USP34: variants seen among roughly 807,000 people sequenced by gnomAD.
USP34 encodes ubiquitin specific peptidase 34, also known as ubiquitin carboxyl-terminal hydrolase 34.
Under a neutral mutation model 460.3 loss-of-function variants are expected in USP34, and 70 were observed. That is an observed-to-expected ratio of 0.15 (90% CI 0.13 to 0.19). USP34 has a LOEUF of 0.19. USP34 is among the 10% of genes least tolerant of loss of function. The pLI is 1.00. For missense variants in USP34, 3,985 were observed against 4,236.2 expected (o/e 0.94, Z 1.65); for synonymous variants, 1,647 against 1,405.3 (o/e 1.17, Z -3.85).
In USP34 at chr2:61,314,754, A is replaced by C. The variant is rs1475587206; in HGVS notation, c.3383-10T>G. The C allele has an allele frequency of 1.3e-6, 2 of 1,574,898 alleles. No homozygotes were observed. The highest frequency in any genetic ancestry group is 1.7e-4 in the Middle Eastern group (1 of 5,862). On this transcript the variant is annotated splice_polypyrimidine_tract_variant and intron_variant, in intron 24 of 79. Transcript: ENST00000398571. ...TCCAAACCTGTTTTACCTGAAAGCC[A>C]AATGTTTAGACACATATATTAGCCT...
intron 43 of USP34, among the ~76,000 whole-genome samples, chr2:61,262,349 C>A (rs1688914908): frequency 5.9e-5 from 9 of 151,934 alleles, no homozygotes. Context: ...CACACTCCAC[C>A]CTCAGGTAGG....
In USP34 at chr2:61,348,500, G is replaced by A. The variant is rs776890944; in HGVS notation, c.1675-20C>T. 129 of 1,593,258 alleles carry A rather than the reference G, an allele frequency of 8.1e-5. No individual in the cohort carries two copies. The highest frequency in any genetic ancestry group is 2.3e-4 in the South Asian group (20 of 88,596). On this transcript the variant is annotated intron_variant, in intron 14 of 79. Transcript: ENST00000398571. ...GGATTCCTGTATTTTGAAACAAATA[G>A]ATTTAAATAAATATTTAAACCAGTA...
At chr2:61,293,369 G>C (rs1487880298) in intron 33 of USP34, 95 bp downstream of exon 33, 1 of 852,960 alleles carries the variant, frequency 1.2e-6, no homozygotes, top group Non-Finnish European at 1.8e-6. Context: ...TTATTATAAG[G>C]AACTATATGG....
At chr2:61,348,523 G>C in intron 14 of USP34, 43 bp from the exon 15 acceptor site, 1 of 1,564,994 alleles carries the variant, frequency 6.4e-7, no homozygotes, top group Non-Finnish European at 8.6e-7. Flanking sequence ...ATTTAAACCA[G>C]TAAGAAAAAA....
intron 41 of USP34, among the ~76,000 whole-genome samples, chr2:61,267,767 C>G (rs957759517): frequency 6.6e-6 from 1 of 152,136 alleles, no homozygotes; most frequent in Admixed American, 6.5e-5. Flanking sequence ...GCGCCCACCA[C>G]AACACCCGGT....
intron 5 of USP34, among the ~76,000 whole-genome samples, chr2:61,390,290 C>G (rs1693302697): frequency 6.6e-6 from 1 of 152,132 alleles, no homozygotes; most frequent in Admixed American, 6.5e-5. Flanking sequence ...TGGCAAAGAG[C>G]TGAGGGCTGA....
chr2:61,419,343 A>G (rs1232913615), intron 2 of USP34, among the ~76,000 whole-genome samples: 1 of 152,048 alleles, frequency 6.6e-6, no homozygotes, highest in East Asian at 1.9e-4. Context: ...ACTACATTCT[A>G]GGGCAACATG....
chr2:61,412,600 G>A (rs933371970), intron 2 of USP34, among the ~76,000 whole-genome samples: 1 of 151,940 alleles, frequency 6.6e-6, no homozygotes, highest in African/African-American at 2.4e-5. Flanking sequence ...TAATAATGGA[G>A]AGAAAAGGCC....
At chr2:61,193,196 A>G in intron 75 of USP34, 1 of 399,396 alleles carries the variant, frequency 2.5e-6, no homozygotes. Context: ...CTCATTCCTG[A>G]AGGATATGGG....
intron 5 of USP34, among the ~76,000 whole-genome samples, chr2:61,387,156 T>G (rs2103880337): frequency 6.6e-6 from 1 of 152,190 alleles, no homozygotes; most frequent in Admixed American, 6.6e-5. Context: ...CTGATTCTCA[T>G]TAGTCGTTAG....
chr2:61,422,871 A>AAG (rs1694402724), intron 1 of USP34, among the ~76,000 whole-genome samples: 1 of 152,072 alleles, frequency 6.6e-6, no homozygotes, highest in Non-Finnish European at 1.5e-5. Context: ...ATGGTGGTGC[A>AAG]CACCTCTGGT....
rs1225394790 is a variant in USP34 at position 61,387,259 on chromosome 2, C to T, written c.754-3923G>A. On this transcript the variant is annotated intron_variant, in intron 5 of 79. Transcript: ENST00000398571. ...TCAGATCACTTTGAGGTCAGGAGTT[C>T]GAGACCAAGCTGGCCAAACATAGTG... 2.0e-5 allele frequency among the ~76,000 whole-genome samples: 3 copies of T among 151,920 alleles called. No homozygotes were observed. The East Asian group carries it at 5.8e-4, about 29-fold the overall frequency.
intron 1 of USP34, among the ~76,000 whole-genome samples, chr2:61,433,912 T>G (rs1331353853): frequency 6.6e-6 from 1 of 152,048 alleles, no homozygotes; most frequent in African/African-American, 2.4e-5. Flanking sequence ...GCCACACAGG[T>G]GAATGAATGC....
intron 33 of USP34, among the ~76,000 whole-genome samples, chr2:61,289,665 A>C (rs917865876): frequency 2.0e-5 from 3 of 152,150 alleles, no homozygotes; most frequent in Non-Finnish European, 2.9e-5. Context: ...TACTGAACCG[A>C]AAGAAAGACA....
chr2:61,386,965 G>T (rs1693166249), intron 5 of USP34, among the ~76,000 whole-genome samples: 1 of 152,116 alleles, frequency 6.6e-6, no homozygotes, highest in African/African-American at 2.4e-5. Flanking sequence ...GAGAGTGGAA[G>T]ATATTGGCAA....
chr2:61,271,512 A>G (rs1689212676), intron 41 of USP34, among the ~76,000 whole-genome samples: 1 of 152,200 alleles, frequency 6.6e-6, no homozygotes, highest in African/African-American at 2.4e-5. Context: ...TGCTCAACAT[A>G]GTTTTTAGAC....
intron 19 of USP34, among the ~76,000 whole-genome samples, chr2:61,332,124 T>C (rs1462822545): frequency 6.6e-6 from 1 of 152,060 alleles, no homozygotes; most frequent in Non-Finnish European, 1.5e-5. Context: ...CCAATACACT[T>C]GCTACAACAC....
intron 1 of USP34, among the ~76,000 whole-genome samples, chr2:61,439,615 G>A (rs372065845): frequency 1.4e-4 from 21 of 152,254 alleles, no homozygotes; most frequent in African/African-American, 3.9e-4. Context: ...GATATCTGAC[G>A]GGGACTCCTG....
At chr2:61,384,119 A>C (rs1693061930) in intron 5 of USP34, among the ~76,000 whole-genome samples, 1 of 152,160 alleles carries the variant, frequency 6.6e-6, no homozygotes, top group African/African-American at 2.4e-5. Context: ...TATATTTTAC[A>C]GTCACACACT....
Sources: gnomAD v4.1 joint callset for allele counts (sites outside exome capture counted in the v4.1 genomes callset) on GRCh38, gnomAD v4.1.1 for gene constraint, MANE v1.5 for transcripts, NCBI Gene and HGNC (gene_info 2026-07-23, HGNC 2026-07-21) for gene names.